ACCS: variants seen among roughly 807,000 people sequenced by gnomAD.
The protein encoded by ACCS is 1-aminocyclopropane-1-carboxylate synthase homolog (inactive).
Under a neutral mutation model 59.8 loss-of-function variants are expected in ACCS, and 42 were observed. The observed-to-expected ratio is 0.70, with a 90% CI of 0.55 to 0.91. The LOEUF (loss-of-function observed/expected upper bound fraction) is 0.91. ACCS is among the 40% of genes least tolerant of loss of function. The probability of loss-of-function intolerance (pLI) is 0.00; values close to 1 mark genes in which losing one functional copy is unlikely to be tolerated. For synonymous variants in ACCS, 230 were observed against 240.3 expected, an observed-to-expected ratio of 0.96 and a Z score of 0.40; for missense variants, 602 against 630.4, an observed-to-expected ratio of 0.95 and a Z score of 0.48.
chr11:44,067,445 G>T, intron 1 of ACCS, 183 bp from the exon 2 acceptor site: 1 of 637,570 alleles, frequency 1.6e-6, no homozygotes, highest in Non-Finnish European at 2.7e-6. Flanking sequence ...GTCCTTAACA[G>T]ATTTTTCTTG....
chr11:44,068,412 G>A (rs1952890922), intron 2 of ACCS, among the ~76,000 whole-genome samples: 1 of 152,032 alleles, frequency 6.6e-6, no homozygotes, highest in African/African-American at 2.4e-5. Flanking sequence ...AGCCTGGGCA[G>A]CATAGCAAGA....
At chr11:44,075,435 G>T in intron 5 of ACCS, 91 bp from the exon 6 acceptor site, 1 of 1,394,570 alleles carries the variant, frequency 7.2e-7, no homozygotes. Flanking sequence ...GGCAGGGCCT[G>T]GCGCTCACTC....
chr11:44,083,134 G>C (rs1953713600), intron 12 of ACCS, 35 bp from the exon 13 acceptor site: 2 of 1,574,992 alleles, frequency 1.3e-6, no homozygotes, highest in Admixed American at 3.6e-5. Flanking sequence ...AGGGTTGATG[G>C]GATATTGATC....
At chr11:44,080,582 C>CAT in intron 10 of ACCS, 3 of 189,310 alleles carry the variant, frequency 1.6e-5, no homozygotes, top group South Asian at 1.1e-4. Context: ...ACTTTAATTT[C>CAT]TAGCCAGAAA....
chr11:44,075,649 C>T lies in ACCS; in HGVS notation c.556+57C>T, dbSNP rs553906401. The T allele has an allele frequency of 2.3e-4, 371 of 1,587,984 alleles. 2 individuals carry two copies. The South Asian group carries it at 3.8e-3, about 16-fold the overall frequency. On this transcript the variant is annotated intron_variant, in intron 6 of 14. Coordinates refer to ENST00000263776, the MANE Select transcript of ACCS (RefSeq NM_032592.4). ...TGAGCCTCATTGTGCTTGCAGGGTT[C>T]CCAGTTGCCTGGCCTCAAGGGCTGC... is the stretch of plus-strand genomic sequence containing the variant.
chr11:44,074,778 C>CTTTCTTTCTTTCTTTCTTTCTT (rs1565175623), intron 5 of ACCS, 97 bp downstream of exon 5: 88 of 180,284 alleles, frequency 4.9e-4, no homozygotes, highest in East Asian at 2.1e-3. Flanking sequence ...CTTTCTTTTT[C>CTTTCTTTCTTTCTTTCTTTCTT]TCTCTCTCTC....
At chr11:44,076,151 G>A (rs1953350667) in intron 6 of ACCS, among the ~76,000 whole-genome samples, 2 of 152,238 alleles carry the variant, frequency 1.3e-5, no homozygotes, top group Admixed American at 1.3e-4. Flanking sequence ...TAGCATGGAA[G>A]GAAATTGGAA....
chr11:44,068,554 A>G (rs1952898322), intron 2 of ACCS, among the ~76,000 whole-genome samples: 1 of 152,232 alleles, frequency 6.6e-6, no homozygotes, highest in African/African-American at 2.4e-5. Flanking sequence ...ATAGTGAGCC[A>G]AGATCATGCC....
At chr11:44,074,975 C>T (rs1244045711) in intron 5 of ACCS, among the ~76,000 whole-genome samples, 1 of 151,672 alleles carries the variant, frequency 6.6e-6, no homozygotes, top group Non-Finnish European at 1.5e-5. Context: ...CAGGCATGCA[C>T]CACACGCCCG....
At chr11:44,083,607 T>C (rs773949869) in intron 14 of ACCS, 30 bp downstream of exon 14, 3 of 1,614,072 alleles carry the variant, frequency 1.9e-6, no homozygotes. Flanking sequence ...AGCCCAGTCC[T>C]AACTGCAGCC....
At chr11:44,073,337 C>G (rs1399623545) in intron 3 of ACCS, 110 bp from the exon 4 acceptor site, 3 of 883,806 alleles carry the variant, frequency 3.4e-6, no homozygotes, top group Non-Finnish European at 5.5e-6. Context: ...CTCTGCCCCT[C>G]TCGCAGTTTC....
intron 3 of ACCS, 110 bp from the exon 4 acceptor site, chr11:44,073,337 C>T (rs1399623545): frequency 2.3e-6 from 2 of 883,688 alleles, no homozygotes; most frequent in Non-Finnish European, 3.6e-6. Flanking sequence ...CTCTGCCCCT[C>T]TCGCAGTTTC....
chr11:44,075,171 T>C (rs192552544), intron 5 of ACCS, among the ~76,000 whole-genome samples: 30 of 152,264 alleles, frequency 2.0e-4, no homozygotes, highest in African/African-American at 6.7e-4. Context: ...GGGGTTGAGA[T>C]CTGCCCTTCA....
rs1455805169 is a variant in ACCS at position 44,074,806 on chromosome 11, CCTTCT to C, written c.489+129_489+133del. On this transcript the variant is annotated intron_variant, in intron 5 of 14. Coordinates refer to ENST00000263776, the MANE Select transcript of ACCS (RefSeq NM_032592.4). The stretch of plus-strand genomic sequence containing the variant: ...TCTCTCTCTCTTTCTCTCCTTCCTT[CCTTCT>C]CTTTTTTTTTTTTTTATTTTTTTTA... 3.2e-5 allele frequency: 9 copies of C among 282,786 alleles called. 1 individual carries two copies. Among genetic ancestry groups the C allele is most frequent in the African/African-American group, 4.7e-5 (1 of 21,148 alleles). The allele number at this position is 282,786 out of a possible 1,614,324, so 17.5% of individuals were successfully genotyped here.
rs765022189 is a variant in ACCS at position 44,081,029 on chromosome 11, C to T, written c.933C>T (p.Asp311=). 6.2e-7 allele frequency: 1 copy of T among 1,614,198 alleles called. No individual in the cohort carries two copies. The highest frequency in any genetic ancestry group is 1.3e-5 in the African/African-American group (1 of 75,054). The change falls in exon 11 of 15, where the codon GAC becomes GAT. Residue 311 remains aspartate (D), a synonymous_variant. Coordinates refer to ENST00000263776, the MANE Select transcript of ACCS (RefSeq NM_032592.4). ...RSVLSLERLP[D]PQRTHVMWAT... is the part of the protein sequence containing the mutation. ...GCTGTGCTCTCTGCAGGCTCCCTGA[C>T]CCCCAGAGGACCCATGTGATGTGGG...
rs1425828629 is a variant in ACCS at position 44,083,496 on chromosome 11, T to A, written c.1327T>A (p.Ser443Thr). The change falls in exon 14 of 15, where the codon TCC (serine) becomes ACC (threonine). Residue 443 changes from serine (S) to threonine (T), a missense_variant. Coordinates refer to ENST00000263776, the MANE Select transcript of ACCS (RefSeq NM_032592.4). ...RRFLDNKVLLSFGKAFECKEP... is the reference protein window; with the variant it reads ...RRFLDNKVLLTFGKAFECKEP... ...CTTTTTGGACAACAAGGTGCTGCTG[T>A]CCTTTGGCAAGGCCTTCGAGTGTAA... The A allele has an allele frequency of 1.9e-6, 3 of 1,614,130 alleles. No individual in the cohort carries two copies. Among genetic ancestry groups the A allele is most frequent in the East Asian group, 4.5e-5 (2 of 44,898 alleles).
intron 6 of ACCS, 26 bp downstream of exon 6, chr11:44,075,618 G>T (rs761269884): frequency 3.1e-6 from 5 of 1,611,482 alleles, no homozygotes; most frequent in Non-Finnish European, 4.2e-6. Flanking sequence ...GGCCTGCCCC[G>T]CACTGTGAGC....
rs905134277 is a variant in ACCS, at chr11:44,067,743, A to T, written c.116A>T (p.Lys39Ile). The T allele has an allele frequency of 6.2e-7, 1 of 1,614,196 alleles. No individual in the cohort carries two copies. The highest frequency in any genetic ancestry group is 1.3e-5 in the African/African-American group (1 of 75,042). The change falls in exon 2 of 15, where the codon AAA (lysine) becomes ATA (isoleucine). Residue 39 changes from lysine to isoleucine, a missense_variant. Transcript: ENST00000263776. ...GEDLEGECSR[K>I]LDQKLPELRG... ...GATCTGGAAGGAGAATGCTCCAGAA[A>T]ACTGGACCAGAAGCTGCCAGAGCTC...
chr11:44,077,866 C>G lies in ACCS; in HGVS notation c.676C>G (p.Pro226Ala). ...DSEVTGLDTR[P>A]FQLTVEKLEM... ...CCAGGTCACTGGGCTAGACACACGCCCCTTCCAGCTCACAGTGGAGAAGCT... is the reference window on the plus strand; with the variant it reads ...CCAGGTCACTGGGCTAGACACACGCGCCTTCCAGCTCACAGTGGAGAAGCT... The change falls in exon 8 of 15, where the codon CCC (proline) becomes GCC (alanine). Residue 226 changes from proline (P) to alanine (A), a missense_variant. Pro to Ala is a conservative substitution (Grantham distance 27, BLOSUM62 -1). Transcript: ENST00000263776. 1 of 1,613,994 alleles carries G rather than the reference C, an allele frequency of 6.2e-7. No individual in the cohort carries two copies. The highest frequency in any genetic ancestry group is 1.1e-5 in the South Asian group (1 of 91,042).
Sources: allele counts gnomAD v4.1 joint callset (sites outside exome capture counted in the v4.1 genomes callset), GRCh38; gene constraint gnomAD v4.1.1; transcripts MANE v1.5; gene names NCBI Gene and HGNC (gene_info 2026-07-23, HGNC 2026-07-21).